SUCLA2: variants seen among roughly 807,000 people sequenced by gnomAD.
The protein encoded by SUCLA2 is succinate--CoA ligase [ADP-forming] subunit beta, mitochondrial.
In SUCLA2, 30 loss-of-function variants were observed where a neutral mutation model predicts 54.8. That is an observed-to-expected ratio of 0.55 (90% CI 0.41 to 0.74). The LOEUF (loss-of-function observed/expected upper bound fraction) is 0.74. SUCLA2 is among the 30% of genes least tolerant of loss of function. The probability of loss-of-function intolerance (pLI) is 0.00; values close to 1 mark genes in which losing one functional copy is unlikely to be tolerated. For synonymous variants in SUCLA2, 172 were observed against 188.9 expected (o/e 0.91, Z 0.74); for missense variants, 476 against 562.9 (o/e 0.85, Z 1.56).
chr13:47,950,405 C>T (rs1254440484), intron 8 of SUCLA2, among the ~76,000 whole-genome samples: 4 of 152,200 alleles, frequency 2.6e-5, no homozygotes, highest in Admixed American at 2.0e-4. Context: ...CAGCCTCTTT[C>T]TCTGGCCTCT....
At chr13:47,992,902 C>T (rs1950160696) in intron 2 of SUCLA2, among the ~76,000 whole-genome samples, 1 of 152,218 alleles carries the variant, frequency 6.6e-6, no homozygotes, top group African/African-American at 2.4e-5. Context: ...GCCAAACTAT[C>T]TTTCTATAGT....
intron 1 of SUCLA2, among the ~76,000 whole-genome samples, chr13:47,999,585 C>A (rs6561428): frequency 1.3e-5 from 2 of 152,018 alleles, no homozygotes; most frequent in East Asian, 3.9e-4. Flanking sequence ...CAGGCGCCTG[C>A]AGTCCCAGCT....
chr13:47,962,959 CA>C (rs1949883160), intron 6 of SUCLA2, among the ~76,000 whole-genome samples: 1 of 152,158 alleles, frequency 6.6e-6, no homozygotes, highest in Non-Finnish European at 1.5e-5. Context: ...AGACTCTTAC[CA>C]CGTATTCATC....
intron 8 of SUCLA2, among the ~76,000 whole-genome samples, chr13:47,952,548 C>A (rs1388275883): frequency 2.6e-5 from 4 of 152,080 alleles, no homozygotes; most frequent in African/African-American, 9.7e-5. Context: ...TTCTCCCCAG[C>A]CCAAAGTCCT....
chr13:47,965,512 C>CAAAAAAAAAA (rs1566085310), intron 6 of SUCLA2: 1 of 354,594 alleles, frequency 2.8e-6, no homozygotes, highest in African/African-American at 2.7e-5. Flanking sequence ...AAAAAACAAA[C>CAAAAAAAAAA]AAACAAAAAA....
chr13:47,984,367 G>GT (rs139108827), intron 4 of SUCLA2, among the ~76,000 whole-genome samples: 17 of 150,246 alleles, frequency 1.1e-4, no homozygotes, highest in African/African-American at 2.2e-4. Flanking sequence ...CTAATTTTTT[G>GT]TTTTTTTTGT....
chr13:47,963,449 G>C (rs1949888523), intron 6 of SUCLA2, among the ~76,000 whole-genome samples: 1 of 152,040 alleles, frequency 6.6e-6, no homozygotes, highest in African/African-American at 2.4e-5. Flanking sequence ...TTTGAGACCA[G>C]CCTGGCTAAC....
intron 2 of SUCLA2, among the ~76,000 whole-genome samples, chr13:47,992,669 C>T (rs577238139): frequency 2.6e-5 from 4 of 152,224 alleles, no homozygotes; most frequent in Non-Finnish European, 5.9e-5. Context: ...CCAAGACTGT[C>T]TCTAAAACAC....
At chr13:47,947,259 T>C (rs1426572574) in intron 10 of SUCLA2, among the ~76,000 whole-genome samples, 2 of 146,496 alleles carry the variant, frequency 1.4e-5, no homozygotes, top group African/African-American at 5.1e-5. Flanking sequence ...TGCATGTGTA[T>C]GCACACACGC....
intron 6 of SUCLA2, among the ~76,000 whole-genome samples, chr13:47,962,757 G>A (rs1484407458): frequency 6.6e-6 from 1 of 152,184 alleles, no homozygotes; most frequent in Non-Finnish European, 1.5e-5. Flanking sequence ...TTGAGGAACT[G>A]ATAAATAGAA....
intron 6 of SUCLA2, among the ~76,000 whole-genome samples, chr13:47,967,580 C>T (rs918870033): frequency 1.3e-5 from 2 of 152,102 alleles, no homozygotes; most frequent in Non-Finnish European, 2.9e-5. Context: ...GTGACTCACG[C>T]CTGTAATCCC....
intron 4 of SUCLA2, among the ~76,000 whole-genome samples, chr13:47,979,855 G>A (rs1332162691): frequency 6.6e-6 from 1 of 152,244 alleles, no homozygotes; most frequent in African/African-American, 2.4e-5. Flanking sequence ...CAGATGAGAT[G>A]TTGTCATATG....
At chr13:47,947,350 A>T (rs1023604600) in intron 10 of SUCLA2, among the ~76,000 whole-genome samples, 10 of 152,032 alleles carry the variant, frequency 6.6e-5, no homozygotes, top group African/African-American at 2.4e-4. Context: ...AACAAAAAAA[A>T]CCCTAGGTCA....
chr13:47,965,494 T>TTAAAAAAAAAAAAAAAAAAAAA, intron 6 of SUCLA2: 1 of 299,358 alleles, frequency 3.3e-6, no homozygotes, highest in Non-Finnish European at 5.8e-6. Flanking sequence ...ACCCCTTCTT[T>TTAAAAAAAAAAAAAAAAAAAAA]AAAAAAAAAA....
intron 10 of SUCLA2, among the ~76,000 whole-genome samples, chr13:47,946,812 A>T (rs1949735863): frequency 6.6e-6 from 1 of 152,206 alleles, no homozygotes; most frequent in Non-Finnish European, 1.5e-5. Flanking sequence ...ATGAATAATT[A>T]TGATAGTATG....
At chr13:47,993,764 G>C (rs1950168939) in intron 2 of SUCLA2, among the ~76,000 whole-genome samples, 1 of 152,184 alleles carries the variant, frequency 6.6e-6, no homozygotes, top group South Asian at 2.1e-4. Flanking sequence ...CAGGCCTGGT[G>C]GCTCACGCCT....
At chr13:47,969,518 A>C (rs1464300746) in intron 5 of SUCLA2, among the ~76,000 whole-genome samples, 2 of 152,210 alleles carry the variant, frequency 1.3e-5, no homozygotes, top group African/African-American at 4.8e-5. Context: ...CAAGGTCCCA[A>C]CTCAGAAGTT....
intron 10 of SUCLA2, among the ~76,000 whole-genome samples, chr13:47,947,548 C>T (rs746209511): frequency 1.2e-4 from 19 of 152,138 alleles, no homozygotes; most frequent in Non-Finnish European, 2.5e-4. Flanking sequence ...ACAATAGCAA[C>T]GCTTTGCAAC....
intron 6 of SUCLA2, among the ~76,000 whole-genome samples, chr13:47,967,840 C>T: frequency 1.1e-5 from 1 of 91,632 alleles, no homozygotes; most frequent in East Asian, 3.2e-4. Flanking sequence ...CAAAGCAAGA[C>T]TCAGTCTCAA....
Sources: gnomAD v4.1 joint callset for allele counts (sites outside exome capture counted in the v4.1 genomes callset) on GRCh38, gnomAD v4.1.1 for gene constraint, MANE v1.5 for transcripts, NCBI Gene and HGNC (gene_info 2026-07-23, HGNC 2026-07-21) for gene names.